CCDC3: variants seen among roughly 807,000 people sequenced by gnomAD.
CCDC3 encodes the protein coiled-coil domain-containing protein 3.
CCDC3 carries 24 observed loss-of-function variants against 21.4 expected under a neutral mutation model. That is an observed-to-expected ratio of 1.12 (90% CI 0.81 to 1.58). The LOEUF is 1.58. Among genes scored for constraint, CCDC3 ranks in the 40% most tolerant of loss-of-function variants. The pLI, the probability that CCDC3 is intolerant of heterozygous loss-of-function variation, is 0.00. For synonymous variants in CCDC3, 186 were observed against 166.0 expected, an observed-to-expected ratio of 1.12 and a Z score of -0.93; for missense variants, 425 against 360.9, an observed-to-expected ratio of 1.18 and a Z score of -1.44.
rs1324887749 is a variant in CCDC3, at chr10:13,001,368, G to A, written c.203C>T (p.Ala68Val). Residue 68 changes from alanine (A) to valine (V), a missense_variant, in exon 1 of 3, where the codon GCC becomes GTC. Physicochemically the swap from Ala to Val is moderately conservative, Grantham distance 64. Coordinates refer to ENST00000378825, the MANE Select transcript of CCDC3 (RefSeq NM_031455.4). The part of the protein sequence containing the change: ...LYNHLPWQYH[A>V]GQGGLFYSAE... ...CGAGTAGAAGAGGCCCCCCTGGCCGGCGTGGTACTGCCAGGGCAGGTGGTT... is the reference window on the plus strand; with the variant it reads ...CGAGTAGAAGAGGCCCCCCTGGCCGACGTGGTACTGCCAGGGCAGGTGGTT... The A allele has an allele frequency of 3.1e-6, 5 of 1,593,424 alleles. No homozygotes were observed. In the Admixed American group the frequency reaches 7.0e-5, roughly 22 times the overall value.
At chr10:13,094,079 C>T (rs116129531) in intron 3 of CCDC3, among the ~76,000 whole-genome samples, 1,807 of 152,246 alleles carry the variant, frequency 0.012, 43 homozygotes, top group African/African-American at 0.041. Context: ...TTCATCGGTG[C>T]TGTGCTTTGA....
rs1404376687 is a variant in CCDC3 at position 13,027,429 on chromosome 10, A to C, written c.-2+22245T>G. ...TTTCTACACATCCCATAATAATATG[A>C]AGTCTTCCCCTGTCTCTTTCTCTCT... On this transcript the variant is annotated intron_variant, in intron 5 of 6. Coordinates refer to the CCDC3 transcript ENST00000378839. 2.0e-5 allele frequency among the ~76,000 whole-genome samples: 3 copies of C among 152,182 alleles called. No individual in the cohort carries two copies. The East Asian group carries it at 5.8e-4, about 29-fold the overall frequency.
intron 2 of CCDC3, among the ~76,000 whole-genome samples, chr10:12,900,336 T>A (rs1028075519): frequency 3.3e-5 from 5 of 152,026 alleles, no homozygotes; most frequent in Admixed American, 1.3e-4. Flanking sequence ...AGAAGCTACA[T>A]TCCCAAAGAA....
Position 13,001,471 on chromosome 10 carries a change from C to T in CCDC3, c.100G>A (p.Gly34Ser). 1 of 1,421,994 alleles carries T rather than the reference C, an allele frequency of 7.0e-7. No homozygotes were observed. The highest frequency in any genetic ancestry group is 1.5e-5 in the South Asian group (1 of 65,904). The allele number at this position is 1,421,994 out of a possible 1,614,324, so 88.1% of individuals were successfully genotyped here. A position where few individuals can be genotyped will look rare whatever the true frequency, so the allele number is the denominator to read the frequency against. ...LPSEWRPLSE[G>S]CRAELAETIV... ...GTCTCGGCCAGCTCGGCGCGGCAGC[C>T]CTCGCTCAGGGGCCTCCACTCGGAG... The change falls in exon 1 of 3, where the codon GGC becomes AGC. Residue 34 changes from glycine to serine, a missense_variant. By Grantham distance (56) the Gly-to-Ser change is moderately conservative (BLOSUM62 0). Transcript: ENST00000378825.
intron 4 of CCDC3, among the ~76,000 whole-genome samples, chr10:13,065,109 G>A (rs1350800221): frequency 1.3e-5 from 2 of 152,100 alleles, no homozygotes; most frequent in African/African-American, 4.8e-5. Flanking sequence ...GCAAAATATA[G>A]CTAAAAATAG....
At chr10:12,992,921 T>G (rs1245891392) in intron 2 of CCDC3, among the ~76,000 whole-genome samples, 1 of 152,226 alleles carries the variant, frequency 6.6e-6, no homozygotes, top group East Asian at 1.9e-4. Context: ...AGACCCCACG[T>G]GAGTGTGTTA....
chr10:12,953,294 G>A lies in CCDC3; in HGVS notation c.549+45044C>T, dbSNP rs962906852. ...AACAGCACGGGAAAGACCTGACCCC[G>A]TGATTCAATCACCTCCCACCAGGTC... On this transcript the variant is annotated intron_variant, in intron 2 of 2. Coordinates refer to ENST00000378825, the MANE Select transcript of CCDC3 (RefSeq NM_031455.4). Among the ~76,000 whole-genome samples the A allele has an allele frequency of 9.2e-5, 14 of 152,202 alleles. No individual in the cohort carries two copies. In the East Asian group the frequency reaches 9.7e-4, roughly 11 times the overall value.
intron 5 of CCDC3, among the ~76,000 whole-genome samples, chr10:13,029,903 T>C (rs960046115): frequency 2.6e-5 from 4 of 152,146 alleles, no homozygotes; most frequent in Non-Finnish European, 5.9e-5. Context: ...TGGAACCAAG[T>C]TGGAAAACAC....
chr10:12,953,079 A>G (rs1299016918), intron 2 of CCDC3, among the ~76,000 whole-genome samples: 1 of 125,034 alleles, frequency 8.0e-6, no homozygotes, highest in African/African-American at 2.5e-5. Flanking sequence ...GAGACTGGGT[A>G]ATTTATACAG....
intron 2 of CCDC3, among the ~76,000 whole-genome samples, chr10:12,972,214 G>A (rs538432908): frequency 6.6e-6 from 1 of 152,046 alleles, no homozygotes; most frequent in Non-Finnish European, 1.5e-5. Flanking sequence ...CACCCTCACT[G>A]GTTCCTGTGA....
intron 2 of CCDC3, among the ~76,000 whole-genome samples, chr10:12,928,500 T>A (rs1317351935): frequency 2.0e-5 from 3 of 152,188 alleles, no homozygotes; most frequent in African/African-American, 7.2e-5. Flanking sequence ...TGATCAGTGA[T>A]CCATTTTCTT....
chr10:12,992,655 A>G (rs1835698912), intron 2 of CCDC3, among the ~76,000 whole-genome samples: 1 of 152,042 alleles, frequency 6.6e-6, no homozygotes, highest in Non-Finnish European at 1.5e-5. Context: ...CTCGGTGGGA[A>G]GGGTGGGAGA....
intron 2 of CCDC3, among the ~76,000 whole-genome samples, chr10:12,913,906 A>C (rs1196503752): frequency 6.6e-6 from 1 of 152,178 alleles, no homozygotes; most frequent in African/African-American, 2.4e-5. Context: ...TGTATGTTGA[A>C]CCATGCTTAT....
At position 13,001,559 on chromosome 10, in the gene CCDC3, C is replaced by T. The variant is rs1388699905; in HGVS notation, c.12G>A (p.Gln4=). The T allele has an allele frequency of 2.4e-6, 3 of 1,252,446 alleles. No homozygotes were observed. The highest frequency in any genetic ancestry group is 3.0e-6 in the Non-Finnish European group (3 of 999,890). 77.6% of individuals were successfully genotyped at this position (1,252,446 alleles called of 1,614,324 possible). A position where few individuals can be genotyped will look rare whatever the true frequency, so the allele number is the denominator to read the frequency against. ...CCAGGCAGAGCGCGGCGAGCAGCAGCTGGCGCAGCATGCCGGGCCCTCCCG... is the reference window on the plus strand; with the variant it reads ...CCAGGCAGAGCGCGGCGAGCAGCAGTTGGCGCAGCATGCCGGGCCCTCCCG... The part of the protein sequence containing the change: MLR[Q]LLLAALCLAG... The change falls in exon 1 of 3, where the codon CAG becomes CAA. Residue 4 remains glutamine (Q), a synonymous_variant. Coordinates refer to ENST00000378825, the MANE Select transcript of CCDC3 (RefSeq NM_031455.4).
chr10:13,068,276 G>T (rs1228376667), intron 4 of CCDC3, among the ~76,000 whole-genome samples: 1 of 152,068 alleles, frequency 6.6e-6, no homozygotes, highest in African/African-American at 2.4e-5. Context: ...CCAATTAGGA[G>T]ATTGGCAGAC....
At chr10:13,032,711 A>G (rs200999405) in intron 5 of CCDC3, among the ~76,000 whole-genome samples, 4 of 152,144 alleles carry the variant, frequency 2.6e-5, no homozygotes, top group South Asian at 2.1e-4. Context: ...ACAAACAGAG[A>G]GCCAAATCAT....
At chr10:12,995,321 A>C (rs1247457657) in intron 2 of CCDC3, among the ~76,000 whole-genome samples, 1 of 152,152 alleles carries the variant, frequency 6.6e-6, no homozygotes. Flanking sequence ...TGCTCATTGC[A>C]ACCTCTGCCT....
chr10:13,030,104 A>T (rs1836279646), intron 5 of CCDC3, among the ~76,000 whole-genome samples: 1 of 152,250 alleles, frequency 6.6e-6, no homozygotes, highest in Non-Finnish European at 1.5e-5. Context: ...AGGTTGGGTT[A>T]TCCACAAAGG....
intron 4 of CCDC3, among the ~76,000 whole-genome samples, chr10:13,053,247 T>C (rs936630328): frequency 3.3e-5 from 5 of 152,108 alleles, no homozygotes; most frequent in Non-Finnish European, 7.4e-5. Flanking sequence ...AAGATGAAAA[T>C]ATGTGACAAC....
Sources: allele counts gnomAD v4.1 joint callset (sites outside exome capture counted in the v4.1 genomes callset), GRCh38; gene constraint gnomAD v4.1.1; transcripts MANE v1.5; gene names NCBI Gene and HGNC (gene_info 2026-07-23, HGNC 2026-07-21).